Variants in OSCP1 observed in about 807,000 individuals in gnomAD.
OSCP1 encodes the protein protein OSCP1.
Under a neutral mutation model 45.1 loss-of-function variants are expected in OSCP1, and 35 were observed. That is an observed-to-expected ratio of 0.78 (90% CI 0.59 to 1.03). OSCP1 has a LOEUF of 1.03. Ranked by LOEUF, OSCP1 falls within the 50% of genes least tolerant of loss-of-function variation. The probability of loss-of-function intolerance (pLI) is 0.00; values close to 1 mark genes in which losing one functional copy is unlikely to be tolerated. For missense variants in OSCP1, 400 were observed against 470.7 expected, an observed-to-expected ratio of 0.85 and a Z score of 1.39; for synonymous variants, 179 against 180.1, an observed-to-expected ratio of 0.99 and a Z score of 0.05.
chr1:36,432,523 GC>G lies in OSCP1; in HGVS notation c.333del (p.Leu112CysfsTer32). 1 of 1,614,152 alleles carries G rather than the reference GC, an allele frequency of 6.2e-7. No homozygotes were observed. Among genetic ancestry groups the G allele is most frequent in the Non-Finnish European group, 8.5e-7 (1 of 1,180,006 alleles). On this transcript the variant is annotated frameshift_variant, in exon 3 of 10. Transcript: ENST00000235532. LOFTEE classifies it high-confidence loss of function. The part of the protein sequence containing the change: ...QVLLCPRPKD[V>X]LLVTFNHLDT... ...TCCAAGTGATTGAAAGTGACCAGCA[GC>G]ACATCCTTGGGTCGGGGACACAGCA...
chr1:36,450,309 G>C lies in OSCP1; in HGVS notation c.61C>G (p.Leu21Val). ...LNLGGEMLYI[L>V]DQRLRAQNIP... The stretch of plus-strand genomic sequence containing the variant: ...TTCTGGGCCCGCAGCCGTTGGTCGA[G>C]GATGTAAAGCATCTCCCCGCCCAAG... The change falls in exon 1 of 10, where the codon CTC (leucine) becomes GTC (valine). Residue 21 changes from leucine (L) to valine (V), a missense_variant. By Grantham distance (32) the Leu-to-Val change is conservative. Transcript: ENST00000235532. The C allele has an allele frequency of 6.2e-7, 1 of 1,613,836 alleles. No individual in the cohort carries two copies. Among genetic ancestry groups the C allele is most frequent in the Non-Finnish European group, 8.5e-7 (1 of 1,179,948 alleles).
chr1:36,418,369 C>T, intron 9 of OSCP1, 114 bp from the exon 10 acceptor site: 4 of 815,778 alleles, frequency 4.9e-6, no homozygotes, highest in Non-Finnish European at 4.0e-6. Context: ...CAGTTGCGCA[C>T]CTGTTTGTCA....
chr1:36,427,545 T>G (rs1241979072), intron 4 of OSCP1, among the ~76,000 whole-genome samples: 2 of 143,476 alleles, frequency 1.4e-5, no homozygotes, highest in African/African-American at 5.2e-5. Flanking sequence ...TCTCGATCTC[T>G]TGACCTTGTG....
intron 5 of OSCP1, 70 bp downstream of exon 5, chr1:36,423,293 T>G (rs1647763392): frequency 8.1e-7 from 1 of 1,237,928 alleles, no homozygotes; most frequent in Non-Finnish European, 1.2e-6. Context: ...CAGTGCGGCA[T>G]TCCGTGTGCG....
At chr1:36,440,854 A>T (rs16822984) in intron 1 of OSCP1, 15,573 of 152,266 alleles carry the variant, frequency 0.1, 948 homozygotes, top group East Asian at 0.29. Context: ...AGAAGAATTC[A>T]AGTTGAAGCA....
intron 1 of OSCP1, among the ~76,000 whole-genome samples, chr1:36,446,454 T>C (rs939703716): frequency 6.6e-6 from 1 of 152,228 alleles, no homozygotes; most frequent in Non-Finnish European, 1.5e-5. Context: ...TGAAGGACAG[T>C]GACTCTCGCT....
At chr1:36,418,831 G>C (rs573162523) in intron 9 of OSCP1, among the ~76,000 whole-genome samples, 160 bp downstream of exon 9, 15 of 152,096 alleles carry the variant, frequency 9.9e-5, no homozygotes, top group African/African-American at 3.4e-4. Flanking sequence ...GGCAGGCTGA[G>C]GCATGAGAAT....
At chr1:36,426,228 G>A (rs1457485308) in intron 4 of OSCP1, among the ~76,000 whole-genome samples, 6 of 152,216 alleles carry the variant, frequency 3.9e-5, no homozygotes, top group Non-Finnish European at 8.8e-5. Flanking sequence ...ACTATGGCAT[G>A]GTAGATCTGA....
chr1:36,432,296 T>C, intron 3 of OSCP1, 126 bp downstream of exon 3: 1 of 1,163,990 alleles, frequency 8.6e-7, no homozygotes, highest in Non-Finnish European at 1.2e-6. Context: ...TTTCAGAATG[T>C]TCTGGGAGAG....
Position 36,417,972 on chromosome 1 carries a change from GCTC to G in OSCP1, c.*164_*166del, listed in dbSNP as rs1647373922. ...TATGTGTGTGCCTTCAAGAGTGAGTGCTCCTCAAGGGAGACTCACACAGTTCCT... is the reference window on the plus strand; with the variant it reads ...TATGTGTGTGCCTTCAAGAGTGAGTGCTCAAGGGAGACTCACACAGTTCCT... On this transcript the variant is annotated 3_prime_UTR_variant, in exon 10 of 10. Transcript: ENST00000235532. 1 of 553,298 alleles carries G rather than the reference GCTC, an allele frequency of 1.8e-6. No homozygotes were observed. 34.3% of individuals were successfully genotyped at this position (553,298 alleles called of 1,614,324 possible). A position where few individuals can be genotyped will look rare whatever the true frequency, so the allele number is the denominator to read the frequency against.
intron 1 of OSCP1, among the ~76,000 whole-genome samples, chr1:36,445,459 A>G (rs1265418875): frequency 6.6e-6 from 1 of 152,248 alleles, no homozygotes; most frequent in Non-Finnish European, 1.5e-5. Flanking sequence ...ATCAAAGTAT[A>G]CACATGGCTT....
intron 1 of OSCP1, among the ~76,000 whole-genome samples, chr1:36,442,850 T>C (rs535885160): frequency 1.1e-4 from 16 of 152,286 alleles, no homozygotes; most frequent in African/African-American, 3.6e-4. Flanking sequence ...CCTCATTCTA[T>C]TAAGGAGGAA....
At chr1:36,434,749 C>CAAAAA (rs71053933) in intron 2 of OSCP1, among the ~76,000 whole-genome samples, 5 of 69,818 alleles carry the variant, frequency 7.2e-5, no homozygotes, top group African/African-American at 1.6e-4. Flanking sequence ...GACTTTGTCT[C>CAAAAA]AAAAAAAAAA....
chr1:36,432,966 C>A (rs961911523), intron 2 of OSCP1, among the ~76,000 whole-genome samples: 1 of 152,156 alleles, frequency 6.6e-6, no homozygotes, highest in African/African-American at 2.4e-5. Context: ...TATTGTATAA[C>A]CTTGGCCAAG....
chr1:36,445,037 TC>T (rs1345704952), intron 1 of OSCP1, among the ~76,000 whole-genome samples: 2 of 152,150 alleles, frequency 1.3e-5, no homozygotes, highest in African/African-American at 4.8e-5. Context: ...ATAAAAAAGT[TC>T]TATACACATC....
chr1:36,429,476 T>G (rs576127668), intron 4 of OSCP1, among the ~76,000 whole-genome samples: 1 of 151,064 alleles, frequency 6.6e-6, no homozygotes, highest in Non-Finnish European at 1.5e-5. Flanking sequence ...GTTGGTTAAA[T>G]TGTGGCAGGA....
chr1:36,450,394 TG>T lies in OSCP1; in HGVS notation c.-26del. ...TGGTGCTGGAAACGAGCTGGACTGG[TG>T]AAGAGCCCCGGGGTTCGGTAGCCAG... On this transcript the variant is annotated 5_prime_UTR_variant, in exon 1 of 10. Transcript: ENST00000235532. The T allele has an allele frequency of 1.3e-6, 2 of 1,597,618 alleles. No homozygotes were observed. Among genetic ancestry groups the T allele is most frequent in the Non-Finnish European group, 1.7e-6 (2 of 1,165,700 alleles).
chr1:36,440,927 A>G (rs1649098391), intron 1 of OSCP1: 1 of 152,222 alleles, frequency 6.6e-6, no homozygotes, highest in Non-Finnish European at 1.5e-5. Flanking sequence ...GTGCTGAGTC[A>G]TTTCTCTGGG....
chr1:36,441,780 GTTTT>G (rs1352950401), intron 1 of OSCP1, among the ~76,000 whole-genome samples: 1 of 143,296 alleles, frequency 7.0e-6, no homozygotes, highest in Non-Finnish European at 1.5e-5. Context: ...AAAGTAATTT[GTTTT>G]TTATTTTTTT....
Sources: allele counts gnomAD v4.1 joint callset (sites outside exome capture counted in the v4.1 genomes callset), GRCh38; gene constraint gnomAD v4.1.1; transcripts MANE v1.5; gene names NCBI Gene and HGNC (gene_info 2026-07-23, HGNC 2026-07-21).